The following LITAF variants were observed in gnomAD, a reference collection of about 807,000 sequenced individuals.
LITAF encodes the protein lipopolysaccharide induced TNF factor, also known as lipopolysaccharide-induced tumor necrosis factor-alpha factor.
Under a neutral mutation model 14.5 loss-of-function variants are expected in LITAF, and 9 were observed. That is an observed-to-expected ratio of 0.62 (90% CI 0.37 to 1.08). The LOEUF (loss-of-function observed/expected upper bound fraction) is 1.08. Ranked by LOEUF, LITAF falls within the 50% of genes least tolerant of loss-of-function variation. LITAF has a pLI of 0.01. For synonymous variants in LITAF, 98 were observed against 88.2 expected, an observed-to-expected ratio of 1.11 and a Z score of -0.62; for missense variants, 206 against 213.4, an observed-to-expected ratio of 0.97 and a Z score of 0.22.
intron 1 of LITAF, among the ~76,000 whole-genome samples, chr16:11,578,559 G>C (rs2064681619): frequency 6.6e-6 from 1 of 152,124 alleles, no homozygotes; most frequent in Admixed American, 6.5e-5. Flanking sequence ...TAAACTACAA[G>C]CGAGAAAATC....
chr16:11,627,793 G>A (rs765335778), intron 3 of LITAF, among the ~76,000 whole-genome samples: 6 of 152,096 alleles, frequency 3.9e-5, no homozygotes, highest in East Asian at 3.9e-4. Context: ...GCAGTGAGCC[G>A]AGATTGTGCC....
Position 11,553,587 on chromosome 16 carries a change from G to A in LITAF, c.323C>T (p.Ser108Phe), listed in dbSNP as rs1567235476. 5 of 1,614,160 alleles carry A rather than the reference G, an allele frequency of 3.1e-6. No individual in the cohort carries two copies. Among genetic ancestry groups the A allele is most frequent in the Non-Finnish European group, 4.2e-6 (5 of 1,180,032 alleles). The change falls in exon 3 of 4, where the codon TCC becomes TTC. Residue 108 changes from serine (S) to phenylalanine (F), a missense_variant. By Grantham distance (155) the Ser-to-Phe change is radical (BLOSUM62 -2). Transcript: ENST00000622633. The surrounding 1 kb of genome is among the most constrained non-coding windows in gnomAD (Gnocchi z 7.7). Reference protein sequence around the residue: ...SCNKMIVSQLSYNAGALTWLS... With the variant: ...SCNKMIVSQLFYNAGALTWLS... Reference sequence around the variant, plus strand: ...CCAGGTCAGAGCACCGGCGTTATAGGACAGCTGACTCACGATCATCTTGTT... The same window carrying A: ...CCAGGTCAGAGCACCGGCGTTATAGAACAGCTGACTCACGATCATCTTGTT...
intron 1 of LITAF, chr16:11,561,511 C>T (rs1429901725): frequency 4.6e-5 from 7 of 152,206 alleles, no homozygotes; most frequent in Admixed American, 4.6e-4. Context: ...TCTGGGATTT[C>T]GAGACACTGC....
chr16:11,585,932 C>T (rs1369245914), intron 1 of LITAF, among the ~76,000 whole-genome samples: 2 of 152,220 alleles, frequency 1.3e-5, no homozygotes, highest in Non-Finnish European at 2.9e-5. Context: ...TCCAACTAGC[C>T]TGGTCCCTGA....
upstream of LITAF, among the ~76,000 whole-genome samples, chr16:11,590,204 A>ACAC (rs1410444533): frequency 8.5e-6 from 1 of 117,424 alleles, no homozygotes; most frequent in African/African-American, 4.0e-5. Flanking sequence ...CAAGACCTAT[A>ACAC]CACTGAAAAC....
At chr16:11,619,480 A>G (rs1293750092) in intron 3 of LITAF, among the ~76,000 whole-genome samples, 1 of 152,182 alleles carries the variant, frequency 6.6e-6, no homozygotes, top group Non-Finnish European at 1.5e-5. Flanking sequence ...TTCAGGGGTC[A>G]TGCAAGAGAC....
intron 1 of LITAF, among the ~76,000 whole-genome samples, chr16:11,581,008 T>C (rs1244933798): frequency 6.6e-6 from 1 of 152,002 alleles, no homozygotes; most frequent in Non-Finnish European, 1.5e-5. Flanking sequence ...CAAGCGATCC[T>C]CCTGCCTTGT....
At chr16:11,619,505 C>G (rs986199775) in intron 3 of LITAF, among the ~76,000 whole-genome samples, 1 of 151,938 alleles carries the variant, frequency 6.6e-6, no homozygotes, top group East Asian at 1.9e-4. Flanking sequence ...ACAGGAGAAG[C>G]AAGCTGAGTA....
intron 3 of LITAF, among the ~76,000 whole-genome samples, chr16:11,606,632 T>C (rs1001946447): frequency 1.3e-5 from 2 of 151,918 alleles, no homozygotes; most frequent in African/African-American, 4.8e-5. Context: ...ACCAAAACCA[T>C]AGTATCTCTG....
chr16:11,564,049 G>A (rs930606629), intron 1 of LITAF, among the ~76,000 whole-genome samples: 3 of 152,038 alleles, frequency 2.0e-5, no homozygotes, highest in Non-Finnish European at 4.4e-5. Flanking sequence ...TGGGATTACA[G>A]GCACGTGCCA....
At chr16:11,606,968 C>G (rs541201771) in intron 3 of LITAF, among the ~76,000 whole-genome samples, 6 of 152,094 alleles carry the variant, frequency 3.9e-5, no homozygotes, top group African/African-American at 1.4e-4. Context: ...AACAACCTTA[C>G]GAGCGAAGTG....
At chr16:11,583,819 C>T (rs937625938) in intron 1 of LITAF, among the ~76,000 whole-genome samples, 4 of 152,194 alleles carry the variant, frequency 2.6e-5, no homozygotes, top group Admixed American at 2.6e-4. Context: ...GGTATATAAA[C>T]TCCTACCTAC....
intron 1 of LITAF, among the ~76,000 whole-genome samples, chr16:11,597,935 C>A (rs1414709845): frequency 6.6e-6 from 1 of 152,164 alleles, no homozygotes; most frequent in African/African-American, 2.4e-5. Context: ...GAGACAGGGT[C>A]TTGTGTAGTC....
At chr16:11,572,045 C>A (rs1249555982) in intron 1 of LITAF, among the ~76,000 whole-genome samples, 1 of 152,038 alleles carries the variant, frequency 6.6e-6, no homozygotes, top group African/African-American at 2.4e-5. Flanking sequence ...GCTGTGATCA[C>A]GCCACTGCAC....
intron 1 of LITAF, among the ~76,000 whole-genome samples, chr16:11,565,420 C>A (rs2064435967): frequency 8.4e-6 from 1 of 119,610 alleles, no homozygotes; most frequent in Non-Finnish European, 1.6e-5. Context: ...CTTTATGTGA[C>A]TTTCTCTTCA....
chr16:11,613,162 C>CCCGGTAT, intron 3 of LITAF, among the ~76,000 whole-genome samples: 1 of 152,328 alleles, frequency 6.6e-6, no homozygotes, highest in Admixed American at 6.5e-5. Context: ...GCCTCATCCT[C>CCCGGTAT]CCGAGTAGCT....
intron 3 of LITAF, among the ~76,000 whole-genome samples, chr16:11,629,868 C>A (rs532905658): frequency 5.1e-4 from 77 of 152,296 alleles, no homozygotes; most frequent in Non-Finnish European, 8.2e-4. Context: ...CTCTTCCCCC[C>A]ACAGCCTGGC....
intron 1 of LITAF, among the ~76,000 whole-genome samples, chr16:11,564,266 G>C (rs981210491): frequency 3.9e-5 from 6 of 152,054 alleles, no homozygotes; most frequent in African/African-American, 1.4e-4. Context: ...AGAAGCCACA[G>C]TGTCAGACCC....
chr16:11,611,122 G>A (rs1214812244), intron 3 of LITAF, among the ~76,000 whole-genome samples: 2 of 152,132 alleles, frequency 1.3e-5, no homozygotes, highest in Non-Finnish European at 2.9e-5. Context: ...GCTGAAGCAG[G>A]AGGATCACTT....
Sources: allele counts gnomAD v4.1 joint callset (sites outside exome capture counted in the v4.1 genomes callset), GRCh38; gene constraint gnomAD v4.1.1; non-coding constraint Gnocchi (gnomAD v3.1); transcripts MANE v1.5; gene names NCBI Gene and HGNC (gene_info 2026-07-23, HGNC 2026-07-21).